The following TPO variants were observed in gnomAD, a reference collection of about 807,000 sequenced individuals.
TPO encodes thyroid microsomal antigen.
A neutral mutation model predicts 96.9 loss-of-function variants in TPO; 78 were observed. The observed-to-expected ratio is 0.81, with a 90% CI of 0.67 to 0.97. TPO has a LOEUF of 0.97. TPO is among the 50% of genes least tolerant of loss of function. The probability of loss-of-function intolerance (pLI) is 0.00; values close to 1 mark genes in which losing one functional copy is unlikely to be tolerated. For missense variants in TPO, 1,252 were observed against 1,274.8 expected, an observed-to-expected ratio of 0.98 and a Z score of 0.27; for synonymous variants, 547 against 538.0, an observed-to-expected ratio of 1.02 and a Z score of -0.23.
chr2:1,387,762 G>A (rs1013972056), intron 1 of TPO, among the ~76,000 whole-genome samples: 9 of 152,192 alleles, frequency 5.9e-5, no homozygotes, highest in Admixed American at 1.3e-4. Context: ...GAGGAGCTGC[G>A]TTCCTTTGGA....
intron 14 of TPO, among the ~76,000 whole-genome samples, chr2:1,504,459 C>T (rs533291534): frequency 1.3e-5 from 2 of 152,210 alleles, no homozygotes; most frequent in Non-Finnish European, 2.9e-5. Flanking sequence ...CAAATGCACC[C>T]GACTGCACCC....
chr2:1,464,789 C>T lies in TPO; in HGVS notation c.819+8507C>T, dbSNP rs1046775963. Among the ~76,000 whole-genome samples the T allele has an allele frequency of 2.6e-5, 4 of 152,144 alleles. No homozygotes were observed. The South Asian group carries it at 6.2e-4, about 24-fold the overall frequency. On this transcript the variant is annotated intron_variant, in intron 7 of 16. Transcript: ENST00000329066. ...GATTTGTTTGAGTTTGTTGTAGATTCTGGATATTAATCCTTTGTCAGATGT... is the reference window on the plus strand; with the variant it reads ...GATTTGTTTGAGTTTGTTGTAGATTTTGGATATTAATCCTTTGTCAGATGT...
At chr2:1,487,348 G>A (rs967714871) in intron 9 of TPO, among the ~76,000 whole-genome samples, 1 of 152,216 alleles carries the variant, frequency 6.6e-6, no homozygotes, top group African/African-American at 2.4e-5. Flanking sequence ...TGGTTCACCT[G>A]CCAACAAGGG....
intron 7 of TPO, among the ~76,000 whole-genome samples, chr2:1,459,312 C>T (rs1485420002): frequency 6.6e-5 from 10 of 151,986 alleles, no homozygotes; most frequent in South Asian, 2.1e-4. Context: ...CCACCACACC[C>T]GGCTAATTTT....
chr2:1,461,183 A>G (rs768359737), intron 7 of TPO, among the ~76,000 whole-genome samples: 1 of 152,074 alleles, frequency 6.6e-6, no homozygotes, highest in Non-Finnish European at 1.5e-5. Context: ...CCAGGGCATC[A>G]TCCTGGGCAC....
At chr2:1,377,426 T>C (rs1163289949) in intron 1 of TPO, among the ~76,000 whole-genome samples, 4 of 152,206 alleles carry the variant, frequency 2.6e-5, no homozygotes, top group Non-Finnish European at 1.5e-5. Context: ...ATTCTGGAGA[T>C]TTCTGTGCTC....
chr2:1,453,912 G>A (rs190884165), intron 6 of TPO, 89 bp downstream of exon 6: 350 of 1,574,946 alleles, frequency 2.2e-4, no homozygotes, highest in South Asian at 1.3e-3. Flanking sequence ...GTTCTTGCTC[G>A]TGCTGGGTGC....
At chr2:1,532,654 C>A (rs1238994775) in intron 15 of TPO, among the ~76,000 whole-genome samples, 1 of 28,638 alleles carries the variant, frequency 3.5e-5, no homozygotes, top group Non-Finnish European at 5.9e-5. Flanking sequence ...CCAAACCCCC[C>A]CAACTGTGTA....
At chr2:1,386,672 C>G (rs567689963) in intron 1 of TPO, among the ~76,000 whole-genome samples, 3,118 of 152,192 alleles carry the variant, frequency 0.02, 111 homozygotes, top group African/African-American at 0.071. Context: ...TCCAATTTGC[C>G]AGTCTGTGTC....
chr2:1,472,344 T>G (rs1406169507), intron 7 of TPO, among the ~76,000 whole-genome samples: 1 of 152,114 alleles, frequency 6.6e-6, no homozygotes, highest in African/African-American at 2.4e-5. Context: ...TCTGATGATC[T>G]GAGTGCTCAT....
At chr2:1,396,490 A>G (rs190752374) in intron 1 of TPO, among the ~76,000 whole-genome samples, 4 of 152,324 alleles carry the variant, frequency 2.6e-5, no homozygotes, top group Admixed American at 2.0e-4. Context: ...CAGTGCTCGA[A>G]TATTTTTTGA....
chr2:1,422,550 T>A (rs1027298809), intron 2 of TPO, among the ~76,000 whole-genome samples: 1 of 152,230 alleles, frequency 6.6e-6, no homozygotes, highest in Non-Finnish European at 1.5e-5. Flanking sequence ...GCCGTCTTCC[T>A]GTTACCGCGT....
At chr2:1,383,896 A>G (rs138802733) in intron 1 of TPO, among the ~76,000 whole-genome samples, 3,133 of 152,276 alleles carry the variant, frequency 0.021, 113 homozygotes, top group African/African-American at 0.072. Context: ...ACTTTTGTAT[A>G]ATGTGTAAGG....
chr2:1,407,507 T>G (rs1224665133), intron 1 of TPO, among the ~76,000 whole-genome samples: 1 of 152,240 alleles, frequency 6.6e-6, no homozygotes, highest in African/African-American at 2.4e-5. Flanking sequence ...TTTTCTTTCT[T>G]TTTAGAAATG....
At chr2:1,421,960 C>T (rs760663068) in intron 2 of TPO, among the ~76,000 whole-genome samples, 1 of 152,202 alleles carries the variant, frequency 6.6e-6, no homozygotes, top group African/African-American at 2.4e-5. Flanking sequence ...GGGTCCCCGG[C>T]GAGCTGTGAG....
intron 10 of TPO, 60 bp downstream of exon 10, chr2:1,488,051 C>A: frequency 6.2e-7 from 1 of 1,605,014 alleles, no homozygotes; most frequent in East Asian, 2.2e-5. Context: ...GCCGAGCTAG[C>A]AACCTGCTGC....
At chr2:1,515,775 C>A (rs1674633378) in intron 14 of TPO, among the ~76,000 whole-genome samples, 2 of 152,056 alleles carry the variant, frequency 1.3e-5, no homozygotes, top group East Asian at 1.9e-4. Flanking sequence ...GAAATAGAAC[C>A]AAACCAAGCA....
intron 8 of TPO, among the ~76,000 whole-genome samples, chr2:1,479,036 C>T (rs1670282122): frequency 6.6e-6 from 1 of 152,206 alleles, no homozygotes; most frequent in Non-Finnish European, 1.5e-5. Flanking sequence ...AACCTTGTCA[C>T]TATGTGAAGT....
intron 15 of TPO, among the ~76,000 whole-genome samples, chr2:1,528,955 T>TCCTCCTAAAATCCTCCCACTGTGAGTAA (rs1677309903): frequency 1.0e-5 from 1 of 95,928 alleles, no homozygotes; most frequent in African/African-American, 4.4e-5. Flanking sequence ...AGTGTGCGCA[T>TCCTCCTAAAATCCTCCCACTGTGAGTAA]CCTCCTAAAA....
Sources: allele counts gnomAD v4.1 joint callset (sites outside exome capture counted in the v4.1 genomes callset), GRCh38; gene constraint gnomAD v4.1.1; transcripts MANE v1.5; gene names NCBI Gene and HGNC (gene_info 2026-07-23, HGNC 2026-07-21).